IGDCC4: variants seen among roughly 807,000 people sequenced by gnomAD.
The protein encoded by IGDCC4 is immunoglobulin superfamily DCC subclass member 4, also known as likely ortholog of mouse neighbor of Punc E11.
A neutral mutation model predicts 116.6 loss-of-function variants in IGDCC4; 72 were observed. The observed-to-expected ratio is 0.62, with a 90% CI of 0.51 to 0.75. IGDCC4 has a LOEUF of 0.75. IGDCC4 is among the 30% of genes least tolerant of loss of function. The probability of loss-of-function intolerance (pLI) is 0.00; values close to 1 mark genes in which losing one functional copy is unlikely to be tolerated. For missense variants in IGDCC4, 1,501 were observed against 1,662.4 expected, an observed-to-expected ratio of 0.90 and a Z score of 1.69; for synonymous variants, 709 against 719.9, an observed-to-expected ratio of 0.98 and a Z score of 0.24.
At chr15:65,420,307 A>G (rs903837503) in intron 1 of IGDCC4, among the ~76,000 whole-genome samples, 1 of 152,052 alleles carries the variant, frequency 6.6e-6, no homozygotes, top group East Asian at 1.9e-4. Flanking sequence ...AGTTCTACTG[A>G]TTCTATTTCC....
intron 6 of IGDCC4, 66 bp from the exon 7 acceptor site, chr15:65,396,229 T>A: frequency 2.9e-6 from 3 of 1,040,502 alleles, no homozygotes; most frequent in Admixed American, 1.2e-4. Context: ...CCCCCCCCAG[T>A]ACCCCAAGCC....
chr15:65,413,675 G>A (rs974853273), intron 1 of IGDCC4, among the ~76,000 whole-genome samples: 1 of 152,168 alleles, frequency 6.6e-6, no homozygotes, highest in African/African-American at 2.4e-5. Flanking sequence ...CCCTTCTTAG[G>A]CTCTGGTCTG....
intron 2 of IGDCC4, chr15:65,410,585 C>T (rs1249097202): frequency 1.9e-6 from 1 of 524,522 alleles, no homozygotes; most frequent in Non-Finnish European, 3.4e-6. Context: ...TTCTTCTGGC[C>T]TGAAAGTTAC....
At chr15:65,396,280 T>G in intron 6 of IGDCC4, 117 bp from the exon 7 acceptor site, 5 of 1,090,588 alleles carry the variant, frequency 4.6e-6, no homozygotes, top group Non-Finnish European at 6.6e-6. Flanking sequence ...CCAATCACTT[T>G]AACCTCTCCC....
chr15:65,400,663 C>T, intron 5 of IGDCC4, 143 bp downstream of exon 5: 2 of 1,014,558 alleles, frequency 2.0e-6, no homozygotes, highest in South Asian at 1.7e-5. Flanking sequence ...ACCACCACAC[C>T]CAGCCCTGGG....
At chr15:65,413,181 T>C (rs181777431) in intron 1 of IGDCC4, among the ~76,000 whole-genome samples, 130 of 152,238 alleles carry the variant, frequency 8.5e-4, no homozygotes, top group African/African-American at 2.9e-3. Context: ...GAGCAGATCC[T>C]GCTGGGAATT....
chr15:65,408,753 G>T lies in IGDCC4; in HGVS notation c.563+1425C>A, dbSNP rs189722803. 1.2e-4 allele frequency among the ~76,000 whole-genome samples: 19 copies of T among 152,120 alleles called. No homozygotes were observed. In the East Asian group the frequency reaches 3.7e-3, roughly 29 times the overall value. On this transcript the variant is annotated intron_variant, in intron 3 of 19. Transcript: ENST00000352385. ...TGTTTCCCCCTTTCATTTTATAGGT[G>T]GGAAGGAGAATAGACTGGGTGAGAA...
chr15:65,385,719 G>A (rs2091448643), intron 18 of IGDCC4, 112 bp downstream of exon 18: 1 of 904,930 alleles, frequency 1.1e-6, no homozygotes, highest in East Asian at 2.4e-5. Context: ...CCTAGCGTCC[G>A]CAGCCGGCTC....
chr15:65,406,328 TA>T (rs1218899772), intron 3 of IGDCC4, among the ~76,000 whole-genome samples: 1 of 152,242 alleles, frequency 6.6e-6, no homozygotes, highest in Non-Finnish European at 1.5e-5. Context: ...AGTGGTTGTG[TA>T]AATGGTATAA....
Position 65,383,783 on chromosome 15 carries a change from A to C in IGDCC4, c.*226T>G, listed in dbSNP as rs913026061. 1 of 480,694 alleles carries C rather than the reference A, an allele frequency of 2.1e-6. No individual in the cohort carries two copies. The highest frequency in any genetic ancestry group is 3.6e-5 in the Admixed American group (1 of 27,436). 29.8% of individuals were successfully genotyped at this position (480,694 alleles called of 1,614,324 possible). ...TGCACTTCACACATGTGCACATCAC[A>C]TGTAGCTATGTCTCGTATGTCTTTC... On this transcript the variant is annotated 3_prime_UTR_variant, in exon 20 of 20. Transcript: ENST00000352385.
intron 2 of IGDCC4, chr15:65,410,682 A>T: frequency 2.2e-6 from 1 of 463,260 alleles, no homozygotes; most frequent in Non-Finnish European, 3.9e-6. Context: ...CCTGCCGTGC[A>T]GGCAGGAGCT....
At chr15:65,387,097 G>C (rs1456900493) in intron 16 of IGDCC4, among the ~76,000 whole-genome samples, 1 of 152,092 alleles carries the variant, frequency 6.6e-6, no homozygotes, top group Non-Finnish European at 1.5e-5. Context: ...CATGAACACG[G>C]CTCGCTGTAG....
intron 16 of IGDCC4, among the ~76,000 whole-genome samples, chr15:65,388,107 G>A (rs991489427): frequency 3.4e-4 from 52 of 152,098 alleles, no homozygotes; most frequent in African/African-American, 1.3e-3. Context: ...AGCCGGGCAT[G>A]GTGGTGTGTG....
chr15:65,389,736 C>T (rs541683850), intron 13 of IGDCC4, among the ~76,000 whole-genome samples: 1 of 152,204 alleles, frequency 6.6e-6, no homozygotes, highest in Non-Finnish European at 1.5e-5. Flanking sequence ...TTGTATATAT[C>T]GGTTGCTTTT....
At chr15:65,419,935 T>G (rs2063175189) in intron 1 of IGDCC4, among the ~76,000 whole-genome samples, 1 of 152,146 alleles carries the variant, frequency 6.6e-6, no homozygotes, top group African/African-American at 2.4e-5. Flanking sequence ...CTGCCTCATG[T>G]TTTTTTGTTG....
At position 65,393,846 on chromosome 15, in the gene IGDCC4, C is replaced by T. The variant is rs1427104583; in HGVS notation, c.1715-315G>A. On this transcript the variant is annotated intron_variant, in intron 9 of 19. Coordinates refer to ENST00000352385, the MANE Select transcript of IGDCC4 (RefSeq NM_020962.3). The surrounding 1 kb of genome is among the most constrained non-coding windows in gnomAD (Gnocchi z 4.6). ...CACACACACACACGGGATGCAGACA[C>T]AAGAGGCTGACCATGAAGGCCAGCA... Among the ~76,000 whole-genome samples the T allele has an allele frequency of 1.3e-5, 2 of 152,192 alleles. No homozygotes were observed. Among genetic ancestry groups the T allele is most frequent in the Admixed American group, 6.5e-5 (1 of 15,286 alleles).
chr15:65,410,474 A>G (rs937584628), intron 2 of IGDCC4, 155 bp from the exon 3 acceptor site: 2 of 829,396 alleles, frequency 2.4e-6, no homozygotes, highest in African/African-American at 1.7e-5. Context: ...AGACACAACA[A>G]GAAGTGGTGA....
At chr15:65,395,632 A>G in intron 7 of IGDCC4, 118 bp downstream of exon 7, 1 of 1,155,750 alleles carries the variant, frequency 8.7e-7, no homozygotes, top group South Asian at 1.9e-5. Context: ...CTCCTACCCC[A>G]GTCCATCCTT....
In IGDCC4 at chr15:65,395,956, T is replaced by C; in HGVS notation, c.1205A>G (p.Tyr402Cys). Reference sequence around the variant, plus strand: ...GCTGTTCTCAGCCACGCACTGGTAGTAGCCGGCGTCCTGCAGGCCGATCTG... The same window carrying C: ...GCTGTTCTCAGCCACGCACTGGTAGCAGCCGGCGTCCTGCAGGCCGATCTG... ...ITQIGLQDAG[Y>C]YQCVAENSAG... is the part of the protein sequence containing the mutation. Residue 402 changes from tyrosine (Y) to cysteine (C), a missense_variant, in exon 7 of 20, where the codon TAC (tyrosine) becomes TGC (cysteine). By Grantham distance (194) the Tyr-to-Cys change is radical. Around this residue, in one of 3 missense-constraint regions of IGDCC4, gnomAD observed 898 missense variants for 978.9 expected, o/e 0.92. Coordinates refer to ENST00000352385, the MANE Select transcript of IGDCC4 (RefSeq NM_020962.3). 1.3e-6 allele frequency: 2 copies of C among 1,586,278 alleles called. No homozygotes were observed. The highest frequency in any genetic ancestry group is 1.1e-5 in the South Asian group (1 of 88,616).
Sources: allele counts gnomAD v4.1 joint callset (sites outside exome capture counted in the v4.1 genomes callset), GRCh38; gene constraint gnomAD v4.1.1; regional missense constraint gnomAD v4.1.1; non-coding constraint Gnocchi (gnomAD v3.1); transcripts MANE v1.5; gene names NCBI Gene and HGNC (gene_info 2026-07-23, HGNC 2026-07-21).